The following CDH4 variants were observed in gnomAD, a reference collection of about 807,000 sequenced individuals.
The protein encoded by CDH4 is cadherin 4, also known as cadherin-4.
Under a neutral mutation model 86.0 loss-of-function variants are expected in CDH4, and 33 were observed. That is an observed-to-expected ratio of 0.38 (90% confidence interval 0.29 to 0.51). The LOEUF is 0.51. Ranked by LOEUF, CDH4 falls within the 20% of genes least tolerant of loss-of-function variation. The probability of loss-of-function intolerance (pLI) is 0.86; values close to 1 mark genes in which losing one functional copy is unlikely to be tolerated. For synonymous variants in CDH4, 555 were observed against 549.4 expected, an observed-to-expected ratio of 1.01 and a Z score of -0.14; for missense variants, 1,114 against 1,307.4, an observed-to-expected ratio of 0.85 and a Z score of 2.28.
chr20:61,459,524 C>T (rs954081637), intron 2 of CDH4, among the ~76,000 whole-genome samples: 2 of 150,738 alleles, frequency 1.3e-5, no homozygotes, highest in East Asian at 2.0e-4. Context: ...AGGATTCCCA[C>T]AGCAGCTGAG....
In CDH4 at chr20:61,927,961, G is replaced by A. The variant is rs2055062912; in HGVS notation, c.1772-229G>A. Among the ~76,000 whole-genome samples the A allele has an allele frequency of 5.3e-5, 8 of 152,242 alleles. No homozygotes were observed. In the South Asian group the frequency reaches 1.7e-3, roughly 32 times the overall value. On this transcript the variant is annotated intron_variant, in intron 11 of 15. Transcript: ENST00000614565. ...GTTGAGGTGCCGTACGCAGTGGTGT[G>A]GCTGCCCATGGCGTGTGGCAGGGTG...
At chr20:61,886,520 A>G (rs556383579) in intron 7 of CDH4, among the ~76,000 whole-genome samples, 1 of 152,180 alleles carries the variant, frequency 6.6e-6, no homozygotes, top group East Asian at 1.9e-4. Context: ...AGCCCAGGAC[A>G]GGAGCATGCA....
chr20:61,550,970 GGTCA>G (rs1292456487), intron 2 of CDH4, among the ~76,000 whole-genome samples: 1 of 152,308 alleles, frequency 6.6e-6, no homozygotes, highest in East Asian at 1.9e-4. Flanking sequence ...TTCTGCAGTT[GGTCA>G]GTCAGACAGT....
chr20:61,933,685 C>G (rs1323044035), intron 14 of CDH4, among the ~76,000 whole-genome samples: 2 of 146,306 alleles, frequency 1.4e-5, no homozygotes, highest in East Asian at 1.9e-4. Context: ...CTTCCCCGCC[C>G]CTCCCGCAAC....
At chr20:61,659,579 G>A (rs978098150) in intron 2 of CDH4, among the ~76,000 whole-genome samples, 11 of 150,012 alleles carry the variant, frequency 7.3e-5, no homozygotes, top group Non-Finnish European at 1.3e-4. Flanking sequence ...GCAGGAGGAG[G>A]GTGGGCCTCA....
intron 2 of CDH4, among the ~76,000 whole-genome samples, chr20:61,304,165 C>T (rs1165404508): frequency 1.3e-5 from 2 of 152,090 alleles, no homozygotes; most frequent in Non-Finnish European, 2.9e-5. Context: ...CAGCCCCAGG[C>T]TTCTATGAAG....
intron 2 of CDH4, among the ~76,000 whole-genome samples, chr20:61,533,984 C>A (rs1225124969): frequency 1.4e-5 from 2 of 147,338 alleles, no homozygotes; most frequent in African/African-American, 5.0e-5. Flanking sequence ...GGAATCCCCA[C>A]CTCCTGTTTA....
intron 2 of CDH4, among the ~76,000 whole-genome samples, chr20:61,334,463 T>C (rs950485406): frequency 4.6e-5 from 7 of 152,146 alleles, no homozygotes; most frequent in African/African-American, 1.7e-4. Context: ...GGCTAATGGA[T>C]AAACAAACAG....
At chr20:61,766,638 G>A (rs1279527998) in intron 3 of CDH4, among the ~76,000 whole-genome samples, 1 of 152,174 alleles carries the variant, frequency 6.6e-6, no homozygotes, top group Non-Finnish European at 1.5e-5. Flanking sequence ...GAGCAGTGGA[G>A]AGAAAAGCCA....
chr20:61,413,705 C>T (rs1173778409), intron 2 of CDH4, among the ~76,000 whole-genome samples: 3 of 152,184 alleles, frequency 2.0e-5, no homozygotes, highest in African/African-American at 4.8e-5. Context: ...GGAGTCCCCT[C>T]CTGCCAGAAC....
intron 2 of CDH4, among the ~76,000 whole-genome samples, chr20:61,695,739 C>T (rs1019245508): frequency 2.6e-5 from 4 of 152,218 alleles, no homozygotes; most frequent in Non-Finnish European, 4.4e-5. Flanking sequence ...ATGGTGAGCC[C>T]TGGCATCTCA....
chr20:61,662,844 ATC>A (rs1480598302), intron 2 of CDH4, among the ~76,000 whole-genome samples: 1 of 152,074 alleles, frequency 6.6e-6, no homozygotes, highest in Non-Finnish European at 1.5e-5. Context: ...CTGCCCTCCT[ATC>A]TCCATGTCCG....
intron 2 of CDH4, among the ~76,000 whole-genome samples, chr20:61,361,118 C>T (rs974811763): frequency 6.6e-6 from 1 of 152,078 alleles, no homozygotes; most frequent in African/African-American, 2.4e-5. Flanking sequence ...GACGTGGAGA[C>T]GACTTGGCTG....
chr20:61,451,417 T>C (rs113075870), intron 2 of CDH4, among the ~76,000 whole-genome samples: 5 of 152,302 alleles, frequency 3.3e-5, no homozygotes, highest in African/African-American at 1.2e-4. Flanking sequence ...AAAGCCTCAG[T>C]TTTGTAATCT....
intron 2 of CDH4, among the ~76,000 whole-genome samples, chr20:61,337,816 C>T (rs1460470564): frequency 6.6e-6 from 1 of 152,146 alleles, no homozygotes; most frequent in Non-Finnish European, 1.5e-5. Context: ...CCTGTGCCCG[C>T]ACCAATCATT....
chr20:61,490,311 G>C (rs1482306684), intron 2 of CDH4, among the ~76,000 whole-genome samples: 1 of 152,218 alleles, frequency 6.6e-6, no homozygotes, highest in Non-Finnish European at 1.5e-5. Context: ...ACATGGCTGA[G>C]CCTTGAAAAC....
chr20:61,527,100 C>CG (rs1321812557), intron 2 of CDH4, among the ~76,000 whole-genome samples: 3 of 152,238 alleles, frequency 2.0e-5, no homozygotes, highest in Admixed American at 6.5e-5. Flanking sequence ...TCATGAACTA[C>CG]GCGCACATAC....
chr20:61,814,772 C>G (rs1980629026), intron 4 of CDH4, among the ~76,000 whole-genome samples: 1 of 152,216 alleles, frequency 6.6e-6, no homozygotes. Context: ...AGCAAACAGT[C>G]TAACGAGGCA....
At chr20:61,329,441 T>TTCCCCCGTGGGTCTGGGACGCGGGTC (rs35019609) in intron 2 of CDH4, among the ~76,000 whole-genome samples, 2 of 32,726 alleles carry the variant, frequency 6.1e-5, no homozygotes, top group Non-Finnish European at 1.5e-4. Flanking sequence ...GTCCTCATGG[T>TTCCCCCGTGGGTCTGGGACGCGGGTC]CCCCCGTGGG....
Sources: gnomAD v4.1 joint callset for allele counts (sites outside exome capture counted in the v4.1 genomes callset) on GRCh38, gnomAD v4.1.1 for gene constraint, MANE v1.5 for transcripts, NCBI Gene and HGNC (gene_info 2026-07-23, HGNC 2026-07-21) for gene names.